Variants in POMT2 observed in about 807,000 individuals in gnomAD.
POMT2 encodes protein O-mannosyl-transferase 2.
In POMT2, 75 loss-of-function variants were observed where a neutral mutation model predicts 100.0. That is an observed-to-expected ratio of 0.75 (90% CI 0.62 to 0.91). POMT2 has a LOEUF of 0.91. POMT2 is among the 40% of genes least tolerant of loss of function. The pLI is 0.00. For synonymous variants in POMT2, 378 were observed against 374.1 expected (o/e 1.01, Z -0.12); for missense variants, 940 against 955.1 (o/e 0.98, Z 0.21).
chr14:77,280,555 G>T, intron 15 of POMT2, 92 bp from the exon 16 acceptor site: 2 of 1,593,886 alleles, frequency 1.3e-6, no homozygotes. Flanking sequence ...ATAGGGCCAA[G>T]CGCCGAGCAG....
intron 5 of POMT2, among the ~76,000 whole-genome samples, chr14:77,302,157 G>C (rs1594797106): frequency 1.3e-5 from 2 of 152,268 alleles, no homozygotes; most frequent in South Asian, 4.1e-4. Context: ...AAGCCTACGA[G>C]GGGCCAACTC....
intron 10 of POMT2, among the ~76,000 whole-genome samples, chr14:77,290,032 G>A (rs1890581787): frequency 6.6e-6 from 1 of 152,116 alleles, no homozygotes; most frequent in East Asian, 1.9e-4. Flanking sequence ...GCATTAATTA[G>A]CAAGATGACA....
In POMT2 at chr14:77,319,283, T is replaced by C. The variant is rs72681248; in HGVS notation, c.248+1151A>G. ...AGGTAAATACTGTAAGCTGGCCTTA[T>C]TCTGCTGCTTAGAGTCCCATTGACA... On this transcript the variant is annotated intron_variant, in intron 1 of 20. Transcript: ENST00000261534. Among the ~76,000 whole-genome samples, 1,174 of 152,286 alleles carry C rather than the reference T, an allele frequency of 7.7e-3. 6 individuals carry two copies. Among genetic ancestry groups the C allele is most frequent in the Non-Finnish European group, 0.011 (773 of 68,016 alleles).
At chr14:77,286,282 C>G (rs1356666369) in intron 12 of POMT2, among the ~76,000 whole-genome samples, 1 of 152,190 alleles carries the variant, frequency 6.6e-6, no homozygotes, top group African/African-American at 2.4e-5. Context: ...TATTTATTAG[C>G]TGCATCTCCT....
intron 14 of POMT2, 96 bp from the exon 15 acceptor site, chr14:77,283,969 C>T: frequency 9.3e-7 from 1 of 1,073,466 alleles, no homozygotes; most frequent in Non-Finnish European, 1.4e-6. Flanking sequence ...CAAATGCAGC[C>T]TTGCTGACAA....
chr14:77,298,708 G>A lies in POMT2; in HGVS notation c.987C>T (p.His329=). ...FQARLSGNNL[H]NASIPEHLAY... is the part of the protein sequence containing the mutation. ...ACTCACGTTCAGGGATGGAAGCATT[G>A]TGCAGGTTGTTCCCTGAAAGCCGGG... Residue 329 remains histidine (H), a synonymous_variant, in exon 8 of 21, where the codon CAC becomes CAT. Transcript: ENST00000261534. 6.2e-7 allele frequency: 1 copy of A among 1,613,842 alleles called. No individual in the cohort carries two copies. Among genetic ancestry groups the A allele is most frequent in the Non-Finnish European group, 8.5e-7 (1 of 1,179,894 alleles).
At chr14:77,291,548 T>C (rs1017080184) in intron 9 of POMT2, 168 bp from the exon 10 acceptor site, 6 of 837,074 alleles carry the variant, frequency 7.2e-6, no homozygotes, top group Admixed American at 4.3e-5. Flanking sequence ...GGCTCATATG[T>C]AGCACTGGTG....
chr14:77,285,579 T>G lies in POMT2; in HGVS notation c.1386A>C (p.Lys462Asn), dbSNP rs567557121. The change falls in exon 13 of 21, where the codon AAA becomes AAC. Residue 462 changes from lysine (K) to asparagine (N), a missense_variant. Transcript: ENST00000261534. The part of the protein sequence containing the change: ...DFWRIEVVNR[K>N]FGNRIKVLRS... ...TCAGCACTTTGATCCGGTTTCCAAA[T>G]TTCCTGTTTACGACCTCAATCCGCC... is the stretch of plus-strand genomic sequence containing the variant. The G allele has an allele frequency of 1.8e-5, 29 of 1,613,960 alleles. No homozygotes were observed. In the African/African-American group the frequency reaches 2.8e-4, roughly 16 times the overall value.
intron 1 of POMT2, among the ~76,000 whole-genome samples, chr14:77,315,688 GA>G (rs1404910809): frequency 6.6e-6 from 1 of 152,220 alleles, no homozygotes; most frequent in African/African-American, 2.4e-5. Context: ...TACATCCCTG[GA>G]AGGGAAAGGA....
chr14:77,299,727 C>T, intron 6 of POMT2, 166 bp from the exon 7 acceptor site: 1 of 625,828 alleles, frequency 1.6e-6, no homozygotes, highest in East Asian at 3.1e-5. Context: ...CTGTAACACC[C>T]ACCACCCAAG....
At chr14:77,291,506 C>A in intron 9 of POMT2, 126 bp from the exon 10 acceptor site, 1 of 1,350,126 alleles carries the variant, frequency 7.4e-7, no homozygotes. Context: ...GAATCCCCAG[C>A]CACCAACCTG....
chr14:77,306,222 C>T, intron 3 of POMT2, 115 bp downstream of exon 3: 3 of 1,532,338 alleles, frequency 2.0e-6, no homozygotes. Flanking sequence ...CTCTCCTCAC[C>T]ACCCAAAGTC....
In POMT2 at chr14:77,285,115, C is replaced by G. The variant is rs536974030; in HGVS notation, c.1485-74G>C. ...CCAGAGAGTGACACTGTCTTCTGCT[C>G]TTAAATCCACAGGCTCCTTCTCTTT... On this transcript the variant is annotated intron_variant, in intron 13 of 20. Coordinates refer to ENST00000261534, the MANE Select transcript of POMT2 (RefSeq NM_013382.7). 6.9e-4 allele frequency: 879 copies of G among 1,268,450 alleles called. 3 individuals are homozygous for G. In the African/African-American group the frequency reaches 0.011, roughly 16 times the overall value. The allele number at this position is 1,268,450 out of a possible 1,614,324, so 78.6% of individuals were successfully genotyped here.
chr14:77,312,639 G>C (rs144273764), intron 1 of POMT2: 3 of 144,634 alleles, frequency 2.1e-5, no homozygotes, highest in South Asian at 4.8e-4. Flanking sequence ...GCGACAGAGT[G>C]AGACTCCGTC....
Position 77,275,529 on chromosome 14 carries a change from C to G in POMT2, c.*1847G>C, listed in dbSNP as rs1189684833. Reference sequence around the variant, plus strand: ...TGTGGGCCACCTGCTTTGCTAAGAGCCAAGCACAGACCCCTGCATTCTCCC... The same window carrying G: ...TGTGGGCCACCTGCTTTGCTAAGAGGCAAGCACAGACCCCTGCATTCTCCC... On this transcript the variant is annotated 3_prime_UTR_variant, in exon 21 of 21. Coordinates refer to ENST00000261534, the MANE Select transcript of POMT2 (RefSeq NM_013382.7). 1 of 152,258 alleles carries G rather than the reference C, an allele frequency of 6.6e-6. No homozygotes were observed. Among genetic ancestry groups the G allele is most frequent in the Non-Finnish European group, 1.5e-5 (1 of 68,090 alleles). The allele number at this position is 152,258 out of a possible 1,614,324, so 9.4% of individuals were successfully genotyped here.
At position 77,283,841 on chromosome 14, in the gene POMT2, TGG is replaced by T. The variant is rs769463114; in HGVS notation, c.1607_1608del (p.Pro536GlnfsTer4). ...LPNISLDVLQ[P>X]SFPEILLESH... The stretch of plus-strand genomic sequence containing the variant: ...GATTCCAGCAAGATCTCAGGAAAAC[TGG>T]GCTGTAGCACATCCAGGCTGATGTT... On this transcript the variant is annotated frameshift_variant, in exon 15 of 21. Transcript: ENST00000261534. LOFTEE classifies it high-confidence loss of function. 1 of 1,613,204 alleles carries T rather than the reference TGG, an allele frequency of 6.2e-7. No individual in the cohort carries two copies.
rs1037621839 is a variant in POMT2, at chr14:77,274,985, C to G, written c.*2391G>C. On this transcript the variant is annotated 3_prime_UTR_variant, in exon 21 of 21. Coordinates refer to ENST00000261534, the MANE Select transcript of POMT2 (RefSeq NM_013382.7). ...AAACAAGTGTTATTTATTATAAAATCAGTGGCTTCTGATTAGAAGACTTTT... is the reference window on the plus strand; with the variant it reads ...AAACAAGTGTTATTTATTATAAAATGAGTGGCTTCTGATTAGAAGACTTTT... The G allele has an allele frequency of 5.9e-5, 9 of 152,180 alleles. No homozygotes were observed. The highest frequency in any genetic ancestry group is 1.7e-4 in the African/African-American group (7 of 41,454). The allele number at this position is 152,180 out of a possible 1,614,324, so 9.4% of individuals were successfully genotyped here.
intron 3 of POMT2, 77 bp downstream of exon 3, chr14:77,306,260 G>A: frequency 1.3e-6 from 2 of 1,593,098 alleles, no homozygotes; most frequent in African/African-American, 1.3e-5. Flanking sequence ...CACCACGCCA[G>A]GGCTGCTAAC....
intron 1 of POMT2, chr14:77,312,754 T>C (rs1310239304): frequency 6.6e-6 from 1 of 152,252 alleles, no homozygotes; most frequent in African/African-American, 2.4e-5. Flanking sequence ...GAGACAACAT[T>C]TGCTATTAGA....
Sources: allele counts gnomAD v4.1 joint callset (sites outside exome capture counted in the v4.1 genomes callset), GRCh38; gene constraint gnomAD v4.1.1; transcripts MANE v1.5; gene names NCBI Gene and HGNC (gene_info 2026-07-23, HGNC 2026-07-21).